Variants in USH2A observed in about 807,000 individuals in gnomAD.
USH2A encodes the protein Usher syndrome 2A (autosomal recessive, mild).
A neutral mutation model predicts 538.9 loss-of-function variants in USH2A; 443 were observed. The ratio of observed to expected loss-of-function variants is 0.82; its 90% CI spans 0.76 to 0.89. USH2A has a LOEUF of 0.89. USH2A is among the 40% of genes least tolerant of loss of function. USH2A has a pLI of 0.00. For missense variants in USH2A, 6,633 were observed against 6,324.8 expected, an observed-to-expected ratio of 1.05 and a Z score of -1.65; for synonymous variants, 2,413 against 2,273.5, an observed-to-expected ratio of 1.06 and a Z score of -1.75.
intron 14 of USH2A, among the ~76,000 whole-genome samples, chr1:216,224,903 A>T (rs904763344): frequency 6.6e-6 from 1 of 152,108 alleles, no homozygotes; most frequent in African/African-American, 2.4e-5. Flanking sequence ...TTGAAAATTA[A>T]TGTTTTAATT....
chr1:215,677,058 C>A (rs1329392438), intron 62 of USH2A, among the ~76,000 whole-genome samples: 1 of 152,202 alleles, frequency 6.6e-6, no homozygotes, highest in Non-Finnish European at 1.5e-5. Flanking sequence ...CCTCTTCCCT[C>A]CCTCACCGTT....
rs1168022160 is a variant in USH2A at position 216,078,481 on chromosome 1, A to G, written c.5299-119T>C. On this transcript the variant is annotated intron_variant, in intron 26 of 71. Transcript: ENST00000307340. Reference sequence around the variant, plus strand: ...CAAAACAGTTCCCTGAAAGCACTCTATAGAAATGTGTCACTCTACCCTAAG... The same window carrying G: ...CAAAACAGTTCCCTGAAAGCACTCTGTAGAAATGTGTCACTCTACCCTAAG... The G allele has an allele frequency of 1.8e-5, 16 of 900,354 alleles. No homozygotes were observed. The Admixed American group carries it at 3.3e-4, about 19-fold the overall frequency. The allele number at this position is 900,354 out of a possible 1,614,324, so 55.8% of individuals were successfully genotyped here. A position where few individuals can be genotyped will look rare whatever the true frequency, so the allele number is the denominator to read the frequency against.
chr1:215,957,021 G>GA (rs1241918331), intron 37 of USH2A, among the ~76,000 whole-genome samples: 9 of 152,062 alleles, frequency 5.9e-5, no homozygotes, highest in African/African-American at 1.7e-4. Flanking sequence ...TTGTAGTCCA[G>GA]AAAAAATGCC....
intron 9 of USH2A, among the ~76,000 whole-genome samples, chr1:216,299,325 C>G (rs1032375570): frequency 6.7e-6 from 1 of 150,346 alleles, no homozygotes; most frequent in Non-Finnish European, 1.5e-5. Flanking sequence ...ATTCATAATA[C>G]AGCTTGAATT....
intron 4 of USH2A, among the ~76,000 whole-genome samples, chr1:216,338,903 A>G (rs1205403767): frequency 5.9e-5 from 9 of 151,646 alleles, no homozygotes. Flanking sequence ...GCAAATGGGT[A>G]TTTTACCTGT....
chr1:215,663,819 C>T (rs1036077078), intron 64 of USH2A, among the ~76,000 whole-genome samples: 1 of 152,124 alleles, frequency 6.6e-6, no homozygotes, highest in Non-Finnish European at 1.5e-5. Context: ...CATATTAACT[C>T]ATTTAACCTC....
At chr1:216,301,035 C>T (rs559773925) in intron 9 of USH2A, among the ~76,000 whole-genome samples, 26 of 152,060 alleles carry the variant, frequency 1.7e-4, no homozygotes, top group African/African-American at 6.0e-4. Flanking sequence ...CAGGCGGGAG[C>T]CACCATGACA....
chr1:215,815,556 TTACAA>T (rs1662834589), intron 48 of USH2A, among the ~76,000 whole-genome samples: 1 of 152,012 alleles, frequency 6.6e-6, no homozygotes, highest in Non-Finnish European at 1.5e-5. Context: ...TTTTTAAAAG[TTACAA>T]AAAGCGGTTT....
intron 30 of USH2A, among the ~76,000 whole-genome samples, chr1:216,057,566 A>T (rs991542810): frequency 7.2e-5 from 11 of 152,186 alleles, no homozygotes; most frequent in African/African-American, 2.7e-4. Flanking sequence ...ATGCACCTGT[A>T]GTCCCAGCTA....
In USH2A at chr1:215,798,661, T is replaced by G. The variant is rs11120635; in HGVS notation, c.9958+246A>C. Among the ~76,000 whole-genome samples, 62,858 of 151,964 alleles carry G rather than the reference T, an allele frequency of 0.41. 14,067 individuals carry two copies. The highest frequency in any genetic ancestry group is 0.55 in the Admixed American group (8,392 of 15,256). On this transcript the variant is annotated intron_variant, in intron 50 of 71. Coordinates refer to ENST00000307340, the MANE Select transcript of USH2A (RefSeq NM_206933.4). The stretch of plus-strand genomic sequence containing the variant: ...TAACCAATGCATTCATGTGTGGAAT[T>G]TTTTTTGGAGGACATGACCTTTTCA...
At chr1:216,152,769 C>T (rs1278141821) in intron 21 of USH2A, among the ~76,000 whole-genome samples, 1 of 152,136 alleles carries the variant, frequency 6.6e-6, no homozygotes, top group Non-Finnish European at 1.5e-5. Flanking sequence ...GGGCAGTTCC[C>T]TGGCAAAGGC....
At chr1:216,158,096 T>C (rs1254124494) in intron 21 of USH2A, among the ~76,000 whole-genome samples, 1 of 152,160 alleles carries the variant, frequency 6.6e-6, no homozygotes, top group South Asian at 2.1e-4. Context: ...CTATATGCAG[T>C]CCACTGAATA....
At chr1:216,072,292 A>G (rs2031582275) in intron 29 of USH2A, among the ~76,000 whole-genome samples, 1 of 152,234 alleles carries the variant, frequency 6.6e-6, no homozygotes, top group Non-Finnish European at 1.5e-5. Flanking sequence ...AAAACAAGTC[A>G]GTTGTCTGAG....
intron 60 of USH2A, among the ~76,000 whole-genome samples, chr1:215,737,955 C>G (rs925008199): frequency 7.2e-5 from 11 of 151,884 alleles, no homozygotes; most frequent in African/African-American, 2.7e-4. Flanking sequence ...ATTTTTACAG[C>G]ATTTACAGGG....
At chr1:215,733,975 A>T (rs1425530876) in intron 60 of USH2A, among the ~76,000 whole-genome samples, 1 of 152,178 alleles carries the variant, frequency 6.6e-6, no homozygotes, top group Non-Finnish European at 1.5e-5. Context: ...CAGCTCCAAC[A>T]GACAGCGCCC....
intron 21 of USH2A, among the ~76,000 whole-genome samples, chr1:216,158,493 C>A (rs2033993876): frequency 6.6e-6 from 1 of 152,104 alleles, no homozygotes; most frequent in Non-Finnish European, 1.5e-5. Flanking sequence ...CTTGGCCTCT[C>A]AAAGTGCTGG....
intron 15 of USH2A, among the ~76,000 whole-genome samples, chr1:216,207,828 T>C (rs1431917780): frequency 1.3e-5 from 2 of 151,974 alleles, no homozygotes; most frequent in African/African-American, 4.8e-5. Flanking sequence ...AGTAGCATAA[T>C]CTTTGGGTTT....
At chr1:215,951,952 C>T (rs1290727234) in intron 37 of USH2A, among the ~76,000 whole-genome samples, 1 of 151,624 alleles carries the variant, frequency 6.6e-6, no homozygotes, top group Non-Finnish European at 1.5e-5. Context: ...GCAAGCTCCG[C>T]TTCCCGGGTT....
At chr1:215,951,070 C>A (rs1056706922) in intron 37 of USH2A, among the ~76,000 whole-genome samples, 1 of 152,062 alleles carries the variant, frequency 6.6e-6, no homozygotes, top group African/African-American at 2.4e-5. Context: ...CTACTCTGAT[C>A]TTAGTTATTT....
Sources: gnomAD v4.1 joint callset for allele counts (sites outside exome capture counted in the v4.1 genomes callset) on GRCh38, gnomAD v4.1.1 for gene constraint, MANE v1.5 for transcripts, NCBI Gene and HGNC (gene_info 2026-07-23, HGNC 2026-07-21) for gene names.